The following KCND2 variants were observed in gnomAD, a reference collection of about 807,000 sequenced individuals.
KCND2 encodes potassium voltage-gated channel subfamily D member 2.
Under a neutral mutation model 54.4 loss-of-function variants are expected in KCND2, and 16 were observed. The ratio of observed to expected loss-of-function variants is 0.29; its 90% CI spans 0.20 to 0.45. KCND2 has a LOEUF of 0.45. KCND2 is among the 20% of genes least tolerant of loss of function. The pLI is 1.00. For missense variants in KCND2, 486 were observed against 824.2 expected, an observed-to-expected ratio of 0.59 and a Z score of 5.02; for synonymous variants, 317 against 310.7, an observed-to-expected ratio of 1.02 and a Z score of -0.21.
chr7:120,738,350 C>A (rs1049658984), intron 2 of KCND2, among the ~76,000 whole-genome samples: 1 of 151,912 alleles, frequency 6.6e-6, no homozygotes, highest in African/African-American at 2.4e-5. Context: ...ACCACACTTA[C>A]GAATTCCTTG....
At chr7:120,293,751 G>T (rs55680276) in intron 1 of KCND2, among the ~76,000 whole-genome samples, 19,078 of 151,736 alleles carry the variant, frequency 0.13, 1,265 homozygotes, top group African/African-American at 0.16. Flanking sequence ...TCTACAACGT[G>T]TTACCTTTAT....
Position 120,275,279 on chromosome 7 carries a change from T to C in KCND2, c.647T>C (p.Ile216Thr), listed in dbSNP as rs1799157271. The C allele has an allele frequency of 1.2e-6, 2 of 1,613,886 alleles. No individual in the cohort carries two copies. The highest frequency in any genetic ancestry group is 1.7e-6 in the Non-Finnish European group (2 of 1,179,974). The change falls in exon 1 of 6, where the codon ATT (isoleucine) becomes ACT (threonine). Residue 216 changes from isoleucine (I) to threonine (T), a missense_variant. Around this residue, in one of 7 missense-constraint regions of KCND2, gnomAD observed 231 missense variants for 386.0 expected, o/e 0.60. Transcript: ENST00000331113. The part of the protein sequence containing the change: ...TVPCGSSPGH[I>T]KELPCGERYA... ...CCGTGCGGATCAAGCCCAGGTCACA[T>C]TAAAGAACTGCCCTGTGGAGAGCGG...
intron 1 of KCND2, among the ~76,000 whole-genome samples, chr7:120,580,435 C>A (rs1053834720): frequency 6.6e-6 from 1 of 152,168 alleles, no homozygotes; most frequent in Non-Finnish European, 1.5e-5. Context: ...TCTTCCCTTC[C>A]ACCTTCTGCT....
At chr7:120,729,596 C>A (rs902311851) in intron 1 of KCND2, among the ~76,000 whole-genome samples, 1 of 152,308 alleles carries the variant, frequency 6.6e-6, no homozygotes, top group Admixed American at 6.5e-5. Context: ...AACAGCAGAG[C>A]CTTGGAGACC....
intron 1 of KCND2, among the ~76,000 whole-genome samples, chr7:120,397,989 G>GTT (rs1478344765): frequency 2.5e-5 from 1 of 40,364 alleles, no homozygotes; most frequent in South Asian, 2.0e-3. Context: ...GTGTGTGTGT[G>GTT]TGTGTGTATA....
intron 1 of KCND2, among the ~76,000 whole-genome samples, chr7:120,515,675 A>G (rs1803185335): frequency 6.6e-6 from 1 of 152,146 alleles, no homozygotes; most frequent in Non-Finnish European, 1.5e-5. Flanking sequence ...GAGGCATCCC[A>G]GCTGGCTGGG....
At chr7:120,594,792 T>A (rs1584845608) in intron 1 of KCND2, among the ~76,000 whole-genome samples, 1 of 152,004 alleles carries the variant, frequency 6.6e-6, no homozygotes, top group African/African-American at 2.4e-5. Flanking sequence ...GAGGCCAAGG[T>A]GGGTGGATCA....
chr7:120,386,066 A>G (rs1800983836), intron 1 of KCND2, among the ~76,000 whole-genome samples: 1 of 152,084 alleles, frequency 6.6e-6, no homozygotes, highest in Admixed American at 6.6e-5. Context: ...GTCTAGCCTC[A>G]GGAGTCTGTC....
At chr7:120,595,483 G>GTATATATATATATATATGTGTA (rs35672951) in intron 1 of KCND2, among the ~76,000 whole-genome samples, 6 of 133,484 alleles carry the variant, frequency 4.5e-5, no homozygotes, top group South Asian at 2.3e-4. Flanking sequence ...ATATATATGT[G>GTATATATATATATATATGTGTA]TATATATATA....
intron 1 of KCND2, among the ~76,000 whole-genome samples, chr7:120,482,557 T>C (rs1446928552): frequency 2.6e-5 from 4 of 152,208 alleles, no homozygotes; most frequent in African/African-American, 9.6e-5. Flanking sequence ...GTGGAAACTT[T>C]AGGAGGTAAT....
chr7:120,281,339 T>A (rs189989696), intron 1 of KCND2, among the ~76,000 whole-genome samples: 60 of 152,086 alleles, frequency 3.9e-4, no homozygotes, highest in Non-Finnish European at 6.9e-4. Flanking sequence ...CATGTATGTA[T>A]GTATTTATGT....
chr7:120,630,227 T>G (rs1451406885), intron 1 of KCND2, among the ~76,000 whole-genome samples: 1 of 152,220 alleles, frequency 6.6e-6, no homozygotes, highest in Admixed American at 6.5e-5. Context: ...CTCAGTACAC[T>G]GAGGCAATCA....
In KCND2 at chr7:120,745,818, C is replaced by A. The variant is rs1792998503; in HGVS notation, c.1506C>A (p.Ser502Arg). The change falls in exon 5 of 6, where the codon AGC (serine) becomes AGA (arginine). Residue 502 changes from serine to arginine, a missense_variant. Around this residue, in one of 7 missense-constraint regions of KCND2, gnomAD observed 202 missense variants for 252.7 expected, o/e 0.80. Coordinates refer to ENST00000331113, the MANE Select transcript of KCND2 (RefSeq NM_012281.3). ...EFVDEQVFEE[S>R]CMEVATVNRP... ...TGGACGAACAAGTCTTTGAAGAAAG[C>A]TGCATGGAAGTTGCAACTGTTAATC... is the stretch of plus-strand genomic sequence containing the variant. 3 of 1,613,510 alleles carry A rather than the reference C, an allele frequency of 1.9e-6. No homozygotes were observed. In the South Asian group the frequency reaches 3.3e-5, roughly 18 times the overall value.
At position 120,351,244 on chromosome 7, in the gene KCND2, G is replaced by GTGTA. The variant is rs376321316; in HGVS notation, c.1115+75498_1115+75499insGTAT. ...CATCATATTATATATTTATATGTGTGTATATATATATATATATATATATCC... is the reference window on the plus strand; with the variant it reads ...CATCATATTATATATTTATATGTGTGTGTATATATATATATATATATATATATCC... On this transcript the variant is annotated intron_variant, in intron 1 of 5. Transcript: ENST00000331113. Among the ~76,000 whole-genome samples, 666 of 137,346 alleles carry GTGTA rather than the reference G, an allele frequency of 4.8e-3. 25 individuals are homozygous for GTGTA. In the East Asian group the frequency reaches 0.075, roughly 15 times the overall value. The allele number at this position is 137,346 out of a possible 152,430, so 90.1% of individuals were successfully genotyped here.
intron 1 of KCND2, among the ~76,000 whole-genome samples, chr7:120,453,224 C>G (rs1275481001): frequency 6.6e-6 from 1 of 152,188 alleles, no homozygotes. Flanking sequence ...TGCGCATGTA[C>G]CATGTCATAC....
At chr7:120,657,510 T>G (rs1791817311) in intron 1 of KCND2, among the ~76,000 whole-genome samples, 1 of 152,128 alleles carries the variant, frequency 6.6e-6, no homozygotes, top group African/African-American at 2.4e-5. Flanking sequence ...ACTATTTGCG[T>G]ACATGCTAGT....
chr7:120,625,922 G>C (rs868323848), intron 1 of KCND2, among the ~76,000 whole-genome samples: 44 of 152,064 alleles, frequency 2.9e-4, no homozygotes, highest in Middle Eastern at 3.5e-3. Flanking sequence ...AAAATTTAAA[G>C]TACCTTCATA....
chr7:120,513,010 G>T (rs1354457747), intron 1 of KCND2, among the ~76,000 whole-genome samples: 1 of 151,890 alleles, frequency 6.6e-6, no homozygotes, highest in East Asian at 1.9e-4. Context: ...TGGCCAGGCT[G>T]GTCTTGAACT....
intron 1 of KCND2, among the ~76,000 whole-genome samples, chr7:120,687,883 G>T (rs933147962): frequency 3.9e-5 from 6 of 152,120 alleles, no homozygotes; most frequent in African/African-American, 7.2e-5. Context: ...TCTTTCAAAA[G>T]TATCTCTTTT....
Sources: gnomAD v4.1 joint callset for allele counts (sites outside exome capture counted in the v4.1 genomes callset) on GRCh38, gnomAD v4.1.1 for gene constraint, gnomAD v4.1.1 regional missense constraint, MANE v1.5 for transcripts, NCBI Gene and HGNC (gene_info 2026-07-23, HGNC 2026-07-21) for gene names.